Variants in SCAND3 observed in about 807,000 individuals in gnomAD.
SCAND3 encodes SCAN domain containing 3.
chr6:28,614,645 A>C, the SCAND3 span, among the ~76,000 whole-genome samples: 2 of 151,850 alleles, frequency 1.3e-5, no homozygotes, highest in African/African-American at 4.8e-5. Context: ...TTGTATTTTT[A>C]GTAGAGATGG....
At chr6:28,606,236 A>G in the SCAND3 span, among the ~76,000 whole-genome samples, 3 of 152,202 alleles carry the variant, frequency 2.0e-5, no homozygotes, top group Non-Finnish European at 4.4e-5. Flanking sequence ...TAAAGGATAG[A>G]AGGGTATTTT....
At chr6:28,574,964 T>A in the SCAND3 span, 1 of 1,613,570 alleles carries the variant, frequency 6.2e-7, no homozygotes, top group Admixed American at 1.7e-5. Context: ...ACAGAAAGAT[T>A]CTCTTCAATA....
At chr6:28,575,428 G>A in the SCAND3 span, 4 of 1,613,972 alleles carry the variant, frequency 2.5e-6, no homozygotes, top group Non-Finnish European at 2.5e-6. The surrounding 1 kb of genome is among the most constrained non-coding windows in gnomAD (Gnocchi z 4.2). Flanking sequence ...TCCAATAATT[G>A]TAAATATATC....
chr6:28,575,628 G>A, the SCAND3 span: 1 of 1,614,074 alleles, frequency 6.2e-7, no homozygotes, highest in African/African-American at 1.3e-5. The surrounding 1 kb of genome is among the most constrained non-coding windows in gnomAD (Gnocchi z 4.2). Context: ...GAACCTTCTT[G>A]AGTTTTGAAT....
chr6:28,578,407 C>G, the SCAND3 span, among the ~76,000 whole-genome samples: 1 of 152,150 alleles, frequency 6.6e-6, no homozygotes, highest in Admixed American at 6.6e-5. Context: ...AAACAGAGAT[C>G]ACTTATTTCT....
At chr6:28,611,832 A>G in the SCAND3 span, among the ~76,000 whole-genome samples, 893 of 152,354 alleles carry the variant, frequency 5.9e-3, 7 homozygotes, top group Middle Eastern at 0.017. Context: ...TCCACTGTAT[A>G]TACAGTAGCA....
chr6:28,572,790 T>C, the SCAND3 span: 2 of 1,613,066 alleles, frequency 1.2e-6, no homozygotes, highest in African/African-American at 1.3e-5. The surrounding 1 kb of genome is among the most constrained non-coding windows in gnomAD (Gnocchi z 4.1). Flanking sequence ...TTGAATTCAA[T>C]GAATTAGATT....
At chr6:28,589,384 C>T in the SCAND3 span, 4 of 152,000 alleles carry the variant, frequency 2.6e-5, no homozygotes, top group African/African-American at 9.7e-5. Context: ...TGGTTGGTCC[C>T]ATGGTGTAAT....
the SCAND3 span, among the ~76,000 whole-genome samples, chr6:28,581,516 G>A: frequency 5.3e-5 from 8 of 152,160 alleles, no homozygotes; most frequent in Non-Finnish European, 1.0e-4. Flanking sequence ...GAAGGTAGTT[G>A]CTGGCACCAA....
At chr6:28,581,333 A>AT in the SCAND3 span, among the ~76,000 whole-genome samples, 3 of 152,126 alleles carry the variant, frequency 2.0e-5, no homozygotes, top group Non-Finnish European at 4.4e-5. Flanking sequence ...GTGAGATTCC[A>AT]TCTCAAATAA....
chr6:28,591,076 T>A, the SCAND3 span: 1 of 152,226 alleles, frequency 6.6e-6, no homozygotes, highest in Non-Finnish European at 1.5e-5. Context: ...ATAGCCTGCC[T>A]GTGTTACTGT....
chr6:28,605,758 A>G, the SCAND3 span, among the ~76,000 whole-genome samples: 2 of 152,098 alleles, frequency 1.3e-5, no homozygotes, highest in African/African-American at 4.8e-5. Flanking sequence ...AGGCAAGAGA[A>G]TCATTTGAAC....
At chr6:28,574,790 C>T in the SCAND3 span, 4 of 1,613,980 alleles carry the variant, frequency 2.5e-6, no homozygotes, top group African/African-American at 4.0e-5. Flanking sequence ...ATTTGCCGAC[C>T]ACAGCCCTCA....
chr6:28,601,409 T>C, the SCAND3 span, among the ~76,000 whole-genome samples: 1 of 152,346 alleles, frequency 6.6e-6, no homozygotes, highest in Non-Finnish European at 1.5e-5. Context: ...TCTCTAACTT[T>C]ATGTAAGTTT....
chr6:28,611,298 T>C, the SCAND3 span, among the ~76,000 whole-genome samples: 4 of 152,342 alleles, frequency 2.6e-5, no homozygotes, highest in East Asian at 3.9e-4. Flanking sequence ...CCTATGGTTA[T>C]CATCTAAAAC....
the SCAND3 span, among the ~76,000 whole-genome samples, chr6:28,574,002 T>C: frequency 6.6e-6 from 1 of 152,208 alleles, no homozygotes; most frequent in Non-Finnish European, 1.5e-5. Context: ...CTTTGGGTTA[T>C]GGCTGATAAA....
the SCAND3 span, among the ~76,000 whole-genome samples, chr6:28,596,977 A>C: frequency 1.3e-5 from 2 of 152,180 alleles, no homozygotes; most frequent in Non-Finnish European, 2.9e-5. Context: ...AAGTTTATTG[A>C]CAATATTTTT....
the SCAND3 span, chr6:28,573,818 G>A: frequency 6.6e-7 from 1 of 1,524,144 alleles, no homozygotes; most frequent in Non-Finnish European, 8.8e-7. Context: ...AGTGAAGCTT[G>A]TTTCGCCATC....
chr6:28,595,546 A>T, the SCAND3 span, among the ~76,000 whole-genome samples: 5 of 151,738 alleles, frequency 3.3e-5, no homozygotes, highest in African/African-American at 1.2e-4. Context: ...ACATGGCGAG[A>T]CCCCGTCTCT....
Sources: gnomAD v4.1 joint callset for allele counts (sites outside exome capture counted in the v4.1 genomes callset) on GRCh38, gnomAD v4.1.1 for gene constraint, Gnocchi (gnomAD v3.1) non-coding constraint, MANE v1.5 for transcripts, NCBI Gene and HGNC (gene_info 2026-07-23, HGNC 2026-07-21) for gene names.